The following COG5 variants were observed in gnomAD, a reference collection of about 807,000 sequenced individuals.
The protein encoded by COG5 is conserved oligomeric Golgi complex subunit 5.
COG5 carries 86 observed loss-of-function variants against 110.4 expected under a neutral mutation model. That is an observed-to-expected ratio of 0.78 (90% CI 0.65 to 0.93). The LOEUF (loss-of-function observed/expected upper bound fraction) is 0.93, where lower values mean the gene tolerates loss of function less well. Among genes scored for constraint, COG5 ranks in the 40% least tolerant of loss-of-function variants. The pLI is 0.00. For missense variants in COG5, 1,077 were observed against 987.0 expected (o/e 1.09, Z -1.22); for synonymous variants, 360 against 334.6 (o/e 1.08, Z -0.83).
intron 6 of COG5, among the ~76,000 whole-genome samples, chr7:107,481,209 T>C (rs990896790): frequency 2.6e-5 from 4 of 152,152 alleles, no homozygotes; most frequent in African/African-American, 9.7e-5. Flanking sequence ...CATATTTTTC[T>C]CAGAGGTATT....
intron 19 of COG5, among the ~76,000 whole-genome samples, chr7:107,226,023 A>T (rs2116354343): frequency 6.6e-6 from 1 of 152,254 alleles, no homozygotes; most frequent in South Asian, 2.1e-4. Flanking sequence ...AACCTGGGGG[A>T]CAAAAGCGAG....
chr7:107,290,886 C>A lies in COG5; in HGVS notation c.1314-7154G>T, dbSNP rs536342534. Among the ~76,000 whole-genome samples, 9 of 152,206 alleles carry A rather than the reference C, an allele frequency of 5.9e-5. No individual in the cohort carries two copies. In the East Asian group the frequency reaches 1.5e-3, roughly 26 times the overall value. On this transcript the variant is annotated intron_variant, in intron 12 of 21. Transcript: ENST00000297135. ...GCCCAGGCTAGTCTTGAACTCCTGG[C>A]CTCAAGCGATCCTCCTGCCTTGGCC...
chr7:107,426,451 C>G (rs1466428387), intron 6 of COG5, among the ~76,000 whole-genome samples: 1 of 152,118 alleles, frequency 6.6e-6, no homozygotes, highest in African/African-American at 2.4e-5. Context: ...ACAACTGAAA[C>G]TTACTTCTCA....
Position 107,474,831 on chromosome 7 carries a change from A to G in COG5, c.538+52406T>C. 4 of 1,613,260 alleles carry G rather than the reference A, an allele frequency of 2.5e-6. No individual in the cohort carries two copies. Among genetic ancestry groups the G allele is most frequent in the Non-Finnish European group, 3.4e-6 (4 of 1,179,610 alleles). The stretch of plus-strand genomic sequence containing the variant: ...GGCAGAAGAAGAAAGCAAGAAAGAA[A>G]AAGACAATTTCTCTAACCACACAAC... On this transcript the variant is annotated intron_variant, in intron 6 of 21. Transcript: ENST00000297135. The surrounding 1 kb of genome is among the most constrained non-coding windows in gnomAD (Gnocchi z 5.7).
intron 6 of COG5, among the ~76,000 whole-genome samples, chr7:107,495,791 C>A (rs1234003572): frequency 1.3e-5 from 2 of 151,858 alleles, no homozygotes; most frequent in Admixed American, 1.3e-4. Context: ...CTAAAAAGTG[C>A]ACAAACAAAA....
intron 10 of COG5, among the ~76,000 whole-genome samples, chr7:107,345,226 C>T (rs532396712): frequency 1.6e-4 from 25 of 152,048 alleles, no homozygotes; most frequent in South Asian, 1.0e-3. Context: ...CAAAACAATA[C>T]AATAGTAACA....
intron 7 of COG5, among the ~76,000 whole-genome samples, chr7:107,377,539 G>T (rs1278097923): frequency 1.3e-5 from 2 of 151,874 alleles, no homozygotes; most frequent in East Asian, 3.9e-4. Flanking sequence ...GCTTCTATTG[G>T]ATTTTGTATT....
At chr7:107,410,150 T>C (rs189644618) in intron 7 of COG5, among the ~76,000 whole-genome samples, 114 of 152,270 alleles carry the variant, frequency 7.5e-4, no homozygotes, top group African/African-American at 2.6e-3. Context: ...GGTGAAATAA[T>C]TTGAGGGTAT....
intron 6 of COG5, among the ~76,000 whole-genome samples, chr7:107,491,098 T>C (rs895279204): frequency 1.3e-5 from 2 of 152,208 alleles, no homozygotes; most frequent in African/African-American, 4.8e-5. Context: ...TAGTTTTAGG[T>C]AGAAAGTCTC....
chr7:107,351,618 AAAAC>A (rs1283084336), intron 10 of COG5, among the ~76,000 whole-genome samples: 7 of 152,318 alleles, frequency 4.6e-5, no homozygotes, highest in East Asian at 3.9e-4. Flanking sequence ...TACAAGAAAA[AAAAC>A]AAACAACCCC....
At chr7:107,361,785 C>T (rs1412344651) in intron 10 of COG5, among the ~76,000 whole-genome samples, 3 of 152,202 alleles carry the variant, frequency 2.0e-5, no homozygotes, top group South Asian at 2.1e-4. Flanking sequence ...TGGTCTTGAA[C>T]TCCTCACCTC....
At chr7:107,236,137 C>G (rs188369723) in intron 18 of COG5, among the ~76,000 whole-genome samples, 4 of 152,178 alleles carry the variant, frequency 2.6e-5, no homozygotes, top group Admixed American at 1.3e-4. Flanking sequence ...CCTATTGGGA[C>G]AGTAAAATAG....
chr7:107,412,357 A>G (rs1174841984), intron 7 of COG5, 145 bp downstream of exon 7: 1 of 678,226 alleles, frequency 1.5e-6, no homozygotes, highest in Non-Finnish European at 2.5e-6. Flanking sequence ...CTTAACGATG[A>G]CCCATTCTTT....
intron 15 of COG5, among the ~76,000 whole-genome samples, chr7:107,257,964 CA>C (rs1803008921): frequency 6.6e-6 from 1 of 152,072 alleles, no homozygotes; most frequent in African/African-American, 2.4e-5. Context: ...CACAGTGTAT[CA>C]AATTACATGT....
At chr7:107,210,009 A>T in intron 21 of COG5, 1 of 1,001,546 alleles carries the variant, frequency 1.0e-6, no homozygotes, top group Non-Finnish European at 1.2e-6. Context: ...GGGTGTGTGC[A>T]CGTGTGGGCA....
At chr7:107,226,569 C>T (rs1044147010) in intron 19 of COG5, among the ~76,000 whole-genome samples, 1 of 152,206 alleles carries the variant, frequency 6.6e-6, no homozygotes, top group Non-Finnish European at 1.5e-5. Context: ...CAAGTCAATT[C>T]TCTTTACATG....
intron 6 of COG5, among the ~76,000 whole-genome samples, chr7:107,467,791 G>T (rs538683065): frequency 6.6e-6 from 1 of 152,234 alleles, no homozygotes; most frequent in South Asian, 2.1e-4. Flanking sequence ...CCAATTTGTG[G>T]TTTTTAAAAA....
chr7:107,270,881 A>ATTTTTTT, intron 14 of COG5, among the ~76,000 whole-genome samples: 1 of 101,710 alleles, frequency 9.8e-6, no homozygotes, highest in South Asian at 3.1e-4. Context: ...CCTAACTAGA[A>ATTTTTTT]CTTTTTTTTT....
At chr7:107,207,218 C>A (rs560968189) in intron 21 of COG5, among the ~76,000 whole-genome samples, 1 of 152,250 alleles carries the variant, frequency 6.6e-6, no homozygotes, top group Non-Finnish European at 1.5e-5. Context: ...CATCCTCCCT[C>A]TTCGTCCTAT....
Sources: allele counts gnomAD v4.1 joint callset (sites outside exome capture counted in the v4.1 genomes callset), GRCh38; gene constraint gnomAD v4.1.1; non-coding constraint Gnocchi (gnomAD v3.1); transcripts MANE v1.5; gene names NCBI Gene and HGNC (gene_info 2026-07-23, HGNC 2026-07-21).